Variants in TBC1D30 observed in about 807,000 individuals in gnomAD.
TBC1D30 encodes TBC1 domain family member 30, also known as TBC1 domain family, member 30.
TBC1D30 carries 31 observed loss-of-function variants against 63.2 expected under a neutral mutation model. That is an observed-to-expected ratio of 0.49 (90% confidence interval 0.37 to 0.66). The LOEUF (loss-of-function observed/expected upper bound fraction) is 0.66, where lower values mean the gene tolerates loss of function less well. Among genes scored for constraint, TBC1D30 ranks in the 30% least tolerant of loss-of-function variants. TBC1D30 has a pLI of 0.00. For missense variants in TBC1D30, 810 were observed against 953.6 expected (o/e 0.85, Z 1.98); for synonymous variants, 307 against 361.5 (o/e 0.85, Z 1.71).
At chr12:64,784,997 T>C (rs1335727610) in intron 1 of TBC1D30, among the ~76,000 whole-genome samples, 1 of 152,214 alleles carries the variant, frequency 6.6e-6, no homozygotes, top group Non-Finnish European at 1.5e-5. Context: ...GATGAAATAT[T>C]GTACCTCTAA....
chr12:64,794,325 A>G (rs2062215807), intron 2 of TBC1D30, among the ~76,000 whole-genome samples: 1 of 150,844 alleles, frequency 6.6e-6, no homozygotes, highest in African/African-American at 2.4e-5. Flanking sequence ...AGTTCTGGAA[A>G]TTTTCTCTGA....
chr12:64,865,445 C>T (rs528178975), intron 9 of TBC1D30, among the ~76,000 whole-genome samples: 3 of 151,824 alleles, frequency 2.0e-5, no homozygotes, highest in South Asian at 4.2e-4. Context: ...CCAAATGGAA[C>T]AAAACCAAAC....
chr12:64,828,020 T>C, intron 2 of TBC1D30, 124 bp downstream of exon 2: 1 of 727,372 alleles, frequency 1.4e-6, no homozygotes, highest in Non-Finnish European at 2.2e-6. Context: ...TTCAACAATA[T>C]TTCAGTTAAA....
rs1275757960 is a variant in TBC1D30 at position 64,765,477 on chromosome 12, G to A, written c.-376+5828G>A. Among the ~76,000 whole-genome samples the A allele has an allele frequency of 2.5e-5, 2 of 81,102 alleles. 1 individual carries two copies. The highest frequency in any genetic ancestry group is 9.5e-4 in the South Asian group (2 of 2,104). The allele number at this position is 81,102 out of a possible 152,430, so 53.2% of individuals were successfully genotyped here. A position where few individuals can be genotyped will look rare whatever the true frequency, so the allele number is the denominator to read the frequency against. On this transcript the variant is annotated intron_variant, in intron 1 of 13. Coordinates refer to the TBC1D30 transcript ENST00000674237. Reference sequence around the variant, plus strand: ...ACACTCCAGTAGCCTGGGCGACAGAGCAAGACTGTCTCCAAAAAAAAAAAA... The same window carrying A: ...ACACTCCAGTAGCCTGGGCGACAGAACAAGACTGTCTCCAAAAAAAAAAAA...
chr12:64,763,203 G>A (rs1402873011), intron 1 of TBC1D30, among the ~76,000 whole-genome samples: 4 of 152,130 alleles, frequency 2.6e-5, no homozygotes, highest in Non-Finnish European at 5.9e-5. Context: ...TGATCTACCC[G>A]CCTCAGCCTC....
chr12:64,764,818 C>T (rs573806314), intron 1 of TBC1D30, among the ~76,000 whole-genome samples: 5 of 152,334 alleles, frequency 3.3e-5, no homozygotes, highest in African/African-American at 9.6e-5. Context: ...TTGCTGAACA[C>T]TGAGATGTGC....
In TBC1D30 at chr12:64,771,600, C is replaced by T. The variant is rs74724606; in HGVS notation, c.-376+11951C>T. 9.4e-4 allele frequency among the ~76,000 whole-genome samples: 143 copies of T among 152,290 alleles called. 1 individual carries two copies. The highest frequency in any genetic ancestry group is 5.4e-3 in the South Asian group (26 of 4,824). On this transcript the variant is annotated intron_variant, in intron 1 of 13. Coordinates refer to the TBC1D30 transcript ENST00000674237. ...ACACCACTGCTTCTCTCTCAGCTCA[C>T]GTCCAAGGGCCTGTATGACCAGCTG... is the stretch of plus-strand genomic sequence containing the variant.
intron 11 of TBC1D30, among the ~76,000 whole-genome samples, chr12:64,873,289 T>C (rs1878796543): frequency 6.6e-6 from 1 of 151,846 alleles, no homozygotes; most frequent in South Asian, 2.1e-4. Flanking sequence ...AATGAGAGGT[T>C]AAAGAAAGTA....
chr12:64,824,788 C>T lies in TBC1D30; in HGVS notation c.-92C>T. 6.9e-7 allele frequency: 1 copy of T among 1,458,802 alleles called. No individual in the cohort carries two copies. Among genetic ancestry groups the T allele is most frequent in the South Asian group, 1.4e-5 (1 of 73,044 alleles). 90.4% of individuals were successfully genotyped at this position (1,458,802 alleles called of 1,614,324 possible). A position where few individuals can be genotyped will look rare whatever the true frequency, so the allele number is the denominator to read the frequency against. Reference sequence around the variant, plus strand: ...CCCACGGGCCGGTCAGCCGCAGACACTCACCCAGCTCCGCGAGCTCAGCCG... The same window carrying T: ...CCCACGGGCCGGTCAGCCGCAGACATTCACCCAGCTCCGCGAGCTCAGCCG... On this transcript the variant is annotated 5_prime_UTR_variant, in exon 1 of 12. Coordinates refer to ENST00000539867, the MANE Select transcript of TBC1D30 (RefSeq NM_015279.2).
intron 8 of TBC1D30, among the ~76,000 whole-genome samples, chr12:64,857,222 G>A (rs1298521914): frequency 2.0e-5 from 3 of 152,184 alleles, no homozygotes; most frequent in East Asian, 1.9e-4. Context: ...AAACCAGCAT[G>A]TCTCAGAGCT....
At chr12:64,766,028 A>G (rs1402373649) in intron 1 of TBC1D30, among the ~76,000 whole-genome samples, 2 of 152,076 alleles carry the variant, frequency 1.3e-5, no homozygotes, top group Non-Finnish European at 2.9e-5. Flanking sequence ...AAATAAATAC[A>G]AATAGAATCT....
chr12:64,872,184 T>A (rs1878705802), intron 11 of TBC1D30, among the ~76,000 whole-genome samples: 1 of 152,134 alleles, frequency 6.6e-6, no homozygotes, highest in South Asian at 2.1e-4. Context: ...TGCACCACCA[T>A]GCCTGGCTGA....
In TBC1D30 at chr12:64,828,644, A is replaced by G. The variant is rs1874570516; in HGVS notation, c.282+135A>G. 5 of 635,780 alleles carry G rather than the reference A, an allele frequency of 7.9e-6. No homozygotes were observed. The Admixed American group carries it at 1.1e-4, about 14-fold the overall frequency. 39.4% of individuals were successfully genotyped at this position (635,780 alleles called of 1,614,324 possible). A position where few individuals can be genotyped will look rare whatever the true frequency, so the allele number is the denominator to read the frequency against. ...TTGATTATTCATTCATGCAATAAAT[A>G]TTTATTGATTATTCTGTGCCAAGTA... On this transcript the variant is annotated intron_variant, in intron 3 of 11. Transcript: ENST00000539867.
chr12:64,827,700 T>G (rs1409123790), intron 1 of TBC1D30, 135 bp from the exon 2 acceptor site: 1 of 633,956 alleles, frequency 1.6e-6, no homozygotes, highest in Non-Finnish European at 2.6e-6. Context: ...TTGGCAAAAT[T>G]GACTAAAATT....
chr12:64,831,356 A>G (rs1224962929), intron 4 of TBC1D30, among the ~76,000 whole-genome samples: 1 of 152,232 alleles, frequency 6.6e-6, no homozygotes, highest in Non-Finnish European at 1.5e-5. Context: ...TATATTTGGA[A>G]TTTTAGAATA....
intron 1 of TBC1D30, 88 bp downstream of exon 1, chr12:64,825,121 G>T: frequency 7.0e-7 from 1 of 1,428,340 alleles, no homozygotes; most frequent in Admixed American, 2.6e-5. Context: ...CGTCTAGGCC[G>T]GGGAGCTCTG....
At chr12:64,760,725 A>G (rs141256432) in intron 1 of TBC1D30, among the ~76,000 whole-genome samples, 7 of 149,870 alleles carry the variant, frequency 4.7e-5, no homozygotes, top group African/African-American at 1.5e-4. Flanking sequence ...CTATTCCAGA[A>G]CTTAAAGTAT....
intron 2 of TBC1D30, among the ~76,000 whole-genome samples, chr12:64,817,798 C>T (rs1873637754): frequency 6.6e-6 from 1 of 152,190 alleles, no homozygotes; most frequent in African/African-American, 2.4e-5. Context: ...GCACATGGCT[C>T]ATGCCTGTAA....
chr12:64,860,438 G>A (rs942419957), intron 8 of TBC1D30, among the ~76,000 whole-genome samples: 2 of 152,084 alleles, frequency 1.3e-5, no homozygotes, highest in African/African-American at 4.8e-5. Context: ...ACAGGCATGA[G>A]CTACTGCACC....
Sources: allele counts gnomAD v4.1 joint callset (sites outside exome capture counted in the v4.1 genomes callset), GRCh38; gene constraint gnomAD v4.1.1; transcripts MANE v1.5; gene names NCBI Gene and HGNC (gene_info 2026-07-23, HGNC 2026-07-21).